Variants in PHACTR1 observed in about 807,000 individuals in gnomAD.
PHACTR1 encodes the protein phosphatase and actin regulator 1.
PHACTR1 carries 16 observed loss-of-function variants against 69.2 expected under a neutral mutation model. The ratio of observed to expected loss-of-function variants is 0.23; its 90% CI spans 0.16 to 0.35. The LOEUF (loss-of-function observed/expected upper bound fraction) is 0.35. Ranked by LOEUF, PHACTR1 falls within the 10% of genes least tolerant of loss-of-function variation. PHACTR1 has a pLI of 1.00. For missense variants in PHACTR1, 510 were observed against 734.7 expected, an observed-to-expected ratio of 0.69 and a Z score of 3.54; for synonymous variants, 312 against 284.5, an observed-to-expected ratio of 1.10 and a Z score of -0.97.
chr6:13,213,364 A>G (rs954475571), intron 8 of PHACTR1, among the ~76,000 whole-genome samples: 1 of 152,200 alleles, frequency 6.6e-6, no homozygotes, highest in Non-Finnish European at 1.5e-5. Flanking sequence ...TCACAAAGAA[A>G]AATTCTTGTT....
chr6:12,845,649 T>C (rs1012920431), intron 4 of PHACTR1, among the ~76,000 whole-genome samples: 2 of 152,164 alleles, frequency 1.3e-5, no homozygotes, highest in African/African-American at 4.8e-5. Flanking sequence ...AGACTGAGGT[T>C]AATGCATCTC....
At chr6:13,057,827 T>C (rs1282496975) in intron 5 of PHACTR1, among the ~76,000 whole-genome samples, 2 of 152,214 alleles carry the variant, frequency 1.3e-5, no homozygotes, top group Non-Finnish European at 2.9e-5. Flanking sequence ...CTTACATCCT[T>C]CCTGTTCTAA....
At position 12,767,208 on chromosome 6, in the gene PHACTR1, TA is replaced by T. The variant is rs150979051; in HGVS notation, c.250+17421del. Among the ~76,000 whole-genome samples the T allele has an allele frequency of 7.1e-3, 1,082 of 152,296 alleles. 18 individuals carry two copies. Among genetic ancestry groups the T allele is most frequent in the African/African-American group, 0.025 (1,031 of 41,564 alleles). On this transcript the variant is annotated intron_variant, in intron 4 of 14. Transcript: ENST00000332995. ...TGTTTGCAATCCAGTTTCAATCAAA[TA>T]AATGGTGAGTCATTTGAAGTGCCCC...
chr6:12,903,724 A>C (rs1331213667), intron 4 of PHACTR1, among the ~76,000 whole-genome samples: 1 of 152,266 alleles, frequency 6.6e-6, no homozygotes, highest in Admixed American at 6.5e-5. Context: ...ATCATATAAA[A>C]ATAGCTTAAA....
chr6:13,231,479 AGAAG>A (rs937458983), intron 10 of PHACTR1, among the ~76,000 whole-genome samples: 3 of 149,434 alleles, frequency 2.0e-5, no homozygotes, highest in Non-Finnish European at 3.0e-5. Flanking sequence ...AAGGAAGGAA[AGAAG>A]GAAGGAAGGA....
At chr6:12,970,191 T>G (rs1794026693) in intron 4 of PHACTR1, among the ~76,000 whole-genome samples, 1 of 152,150 alleles carries the variant, frequency 6.6e-6, no homozygotes, top group Non-Finnish European at 1.5e-5. Context: ...GACTTAAACA[T>G]TAGAGAATGC....
chr6:12,909,883 C>T (rs1395270958), intron 4 of PHACTR1, among the ~76,000 whole-genome samples: 3 of 152,198 alleles, frequency 2.0e-5, no homozygotes, highest in Non-Finnish European at 4.4e-5. Flanking sequence ...CTTACGATTC[C>T]CACTATTCTT....
chr6:12,954,601 G>A (rs1791662233), intron 4 of PHACTR1, among the ~76,000 whole-genome samples: 1 of 152,094 alleles, frequency 6.6e-6, no homozygotes, highest in African/African-American at 2.4e-5. Flanking sequence ...AAGACTTTGG[G>A]AGCCTGAGCT....
At chr6:12,769,025 A>G (rs1409601471) in intron 4 of PHACTR1, among the ~76,000 whole-genome samples, 1 of 152,096 alleles carries the variant, frequency 6.6e-6, no homozygotes, top group Non-Finnish European at 1.5e-5. Context: ...ATTTCATATT[A>G]GCAGAGAGTG....
At chr6:12,866,525 T>C (rs976199454) in intron 4 of PHACTR1, among the ~76,000 whole-genome samples, 1 of 152,154 alleles carries the variant, frequency 6.6e-6, no homozygotes, top group Non-Finnish European at 1.5e-5. Flanking sequence ...ACTGCTATTT[T>C]TTTTTTTATG....
intron 4 of PHACTR1, among the ~76,000 whole-genome samples, chr6:12,959,457 C>A (rs989877033): frequency 2.6e-5 from 4 of 152,102 alleles, no homozygotes; most frequent in Admixed American, 1.3e-4. Flanking sequence ...AAAAGCATAA[C>A]AAAGTTTTTC....
intron 10 of PHACTR1, among the ~76,000 whole-genome samples, chr6:13,259,649 GT>G (rs2127416308): frequency 6.6e-6 from 1 of 152,274 alleles, no homozygotes; most frequent in Non-Finnish European, 1.5e-5. Flanking sequence ...CGGGCTAGAT[GT>G]CATTATGACC....
In PHACTR1 at chr6:13,240,160, G is replaced by A. The variant is rs1362526801; in HGVS notation, c.1391+9967G>A. ...TCCAGCAGCATTTCAAATTTTGGGT[G>A]CAGGGGGTGGGGAGAGCACAGCTAT... On this transcript the variant is annotated intron_variant, in intron 10 of 14. Coordinates refer to ENST00000332995, the MANE Select transcript of PHACTR1 (RefSeq NM_030948.6). 3.3e-5 allele frequency among the ~76,000 whole-genome samples: 5 copies of A among 152,180 alleles called. No homozygotes were observed. The East Asian group carries it at 9.7e-4, about 29-fold the overall frequency.
At chr6:12,898,411 C>G (rs1385999893) in intron 4 of PHACTR1, among the ~76,000 whole-genome samples, 1 of 152,118 alleles carries the variant, frequency 6.6e-6, no homozygotes, top group Non-Finnish European at 1.5e-5. Flanking sequence ...AACATGTCCC[C>G]GACTCAGCCT....
At chr6:13,052,761 T>A (rs1806146777) in intron 4 of PHACTR1, among the ~76,000 whole-genome samples, 1 of 152,108 alleles carries the variant, frequency 6.6e-6, no homozygotes, top group African/African-American at 2.4e-5. Flanking sequence ...CTAGTGGAAT[T>A]AAGACAATTG....
intron 5 of PHACTR1, among the ~76,000 whole-genome samples, chr6:13,093,324 T>C (rs910811928): frequency 2.0e-5 from 3 of 152,214 alleles, no homozygotes; most frequent in Non-Finnish European, 4.4e-5. Context: ...CTTAAAAATA[T>C]GTTAGCATTC....
At chr6:13,038,461 C>G (rs1803664528) in intron 4 of PHACTR1, among the ~76,000 whole-genome samples, 1 of 146,656 alleles carries the variant, frequency 6.8e-6, no homozygotes, top group Non-Finnish European at 1.5e-5. Context: ...TGGGGATCAG[C>G]TACTTTTGCA....
intron 7 of PHACTR1, among the ~76,000 whole-genome samples, chr6:13,195,779 A>AAAAAAAAAAAAAAAAAAAAAAAG (rs201554952): frequency 1.9e-4 from 23 of 118,586 alleles, no homozygotes; most frequent in African/African-American, 2.9e-4. Flanking sequence ...AAAAAAAAAA[A>AAAAAAAAAAAAAAAAAAAAAAAG]AGTTCATTTG....
chr6:12,837,208 T>TA (rs1054722554), intron 4 of PHACTR1, among the ~76,000 whole-genome samples: 1 of 152,172 alleles, frequency 6.6e-6, no homozygotes, highest in Non-Finnish European at 1.5e-5. Flanking sequence ...AGAATGATGA[T>TA]AAAAAATTAC....
Sources: gnomAD v4.1 joint callset for allele counts (sites outside exome capture counted in the v4.1 genomes callset) on GRCh38, gnomAD v4.1.1 for gene constraint, MANE v1.5 for transcripts, NCBI Gene and HGNC (gene_info 2026-07-23, HGNC 2026-07-21) for gene names.